Variants in PDHX observed in about 807,000 individuals in gnomAD.
PDHX encodes pyruvate dehydrogenase complex component X.
Under a neutral mutation model 55.3 loss-of-function variants are expected in PDHX, and 33 were observed. That is an observed-to-expected ratio of 0.60 (90% confidence interval 0.45 to 0.80). The LOEUF (loss-of-function observed/expected upper bound fraction) is 0.80. Ranked by LOEUF, PDHX falls within the 30% of genes least tolerant of loss-of-function variation. The pLI, the probability that PDHX is intolerant of heterozygous loss-of-function variation, is 0.00. For missense variants in PDHX, 622 were observed against 619.9 expected, an observed-to-expected ratio of 1.00 and a Z score of -0.04; for synonymous variants, 226 against 219.4, an observed-to-expected ratio of 1.03 and a Z score of -0.27.
intron 1 of PDHX, among the ~76,000 whole-genome samples, chr11:34,926,069 G>C (rs1312861206): frequency 2.0e-5 from 3 of 152,036 alleles, no homozygotes; most frequent in South Asian, 2.1e-4. Context: ...TTCATTTTCT[G>C]TTGTGGTCCA....
intron 7 of PDHX, among the ~76,000 whole-genome samples, chr11:34,974,478 G>A (rs1198330206): frequency 1.3e-5 from 2 of 152,160 alleles, no homozygotes. Context: ...GAACGTGGCT[G>A]TACAAATATC....
chr11:34,957,068 T>C (rs144591863), intron 3 of PDHX, among the ~76,000 whole-genome samples: 72 of 152,360 alleles, frequency 4.7e-4, no homozygotes, highest in African/African-American at 1.7e-3. Context: ...TGGATTTGTA[T>C]TGACATCAAA....
Position 34,957,462 on chromosome 11 carries a change from G to T in PDHX, c.421G>T (p.Val141Phe). 1 of 1,613,754 alleles carries T rather than the reference G, an allele frequency of 6.2e-7. No individual in the cohort carries two copies. The highest frequency in any genetic ancestry group is 8.5e-7 in the Non-Finnish European group (1 of 1,179,686). ...AGAAGAAGGAGAAGATTGGAAACAT[G>T]TTGAAATTCCCAAAGACGTAGGTCC... ...IVEEGEDWKH[V>F]EIPKDVGPPP... is the part of the protein sequence containing the mutation. The change falls in exon 4 of 11, where the codon GTT (valine) becomes TTT (phenylalanine). Residue 141 changes from valine to phenylalanine, a missense_variant. By Grantham distance (50) the Val-to-Phe change is conservative. Coordinates refer to ENST00000227868, the MANE Select transcript of PDHX (RefSeq NM_003477.3).
intron 6 of PDHX, among the ~76,000 whole-genome samples, chr11:34,968,322 G>T (rs1219739258): frequency 6.6e-6 from 1 of 151,510 alleles, no homozygotes; most frequent in Non-Finnish European, 1.5e-5. Context: ...AATTCTTATG[G>T]TATGTAGAGA....
chr11:34,994,615 A>G (rs147939682), intron 10 of PDHX, among the ~76,000 whole-genome samples: 80 of 152,352 alleles, frequency 5.3e-4, no homozygotes, highest in African/African-American at 1.8e-3. Flanking sequence ...CCACCGTTGT[A>G]TATGTGATCC....
chr11:34,957,548 C>T lies in PDHX; in HGVS notation c.507C>T (p.Ile169=), dbSNP rs79170416. The part of the protein sequence containing the change: ...PRPSPEPQIS[I]PVKKEHIPGT... ...CCTCACCAGAACCACAGATTTCCAT[C>T]CCTGTCAAGAAGGAACACATACCCG... Residue 169 remains isoleucine (I), a synonymous_variant, in exon 4 of 11, where the codon ATC becomes ATT. Coordinates refer to ENST00000227868, the MANE Select transcript of PDHX (RefSeq NM_003477.3). 49,854 of 1,613,826 alleles carry T rather than the reference C, an allele frequency of 0.031. 1,097 individuals are homozygous for T. The highest frequency in any genetic ancestry group is 0.084 in the South Asian group (7,653 of 91,058).
intron 3 of PDHX, among the ~76,000 whole-genome samples, chr11:34,950,828 G>C (rs1854744789): frequency 2.7e-5 from 4 of 150,882 alleles, no homozygotes; most frequent in African/African-American, 9.8e-5. Context: ...TAGTGCCGCA[G>C]TAAACATACA....
intron 9 of PDHX, among the ~76,000 whole-genome samples, chr11:34,991,508 G>T (rs940806790): frequency 6.6e-6 from 1 of 152,124 alleles, no homozygotes; most frequent in African/African-American, 2.4e-5. Flanking sequence ...ATTGTGTGGG[G>T]TTGAGATTGT....
intron 2 of PDHX, among the ~76,000 whole-genome samples, chr11:34,934,256 A>G (rs1854251159): frequency 6.6e-6 from 1 of 152,244 alleles, no homozygotes; most frequent in South Asian, 2.1e-4. Flanking sequence ...GTCTTGCCAG[A>G]AAATTGAACC....
intron 10 of PDHX, among the ~76,000 whole-genome samples, chr11:34,992,780 C>G (rs2134006489): frequency 6.6e-6 from 1 of 152,162 alleles, no homozygotes; most frequent in Middle Eastern, 3.4e-3. Context: ...ATTTGCGTTG[C>G]TTCCAGTTCG....
At chr11:34,977,121 G>A (rs1424281620) in intron 7 of PDHX, among the ~76,000 whole-genome samples, 1 of 152,082 alleles carries the variant, frequency 6.6e-6, no homozygotes, top group African/African-American at 2.4e-5. Flanking sequence ...CAGTATTTAG[G>A]TTTATGGTAA....
At chr11:34,916,402 G>C, upstream of PDHX, 2 of 1,520,048 alleles carry the variant, frequency 1.3e-6, no homozygotes, top group Non-Finnish European at 1.8e-6. Context: ...GGGCAGCCCG[G>C]GGGCGGGGCG....
chr11:34,940,734 C>T (rs1390329353), intron 2 of PDHX, among the ~76,000 whole-genome samples: 2 of 152,162 alleles, frequency 1.3e-5, no homozygotes, highest in Admixed American at 1.3e-4. Context: ...CATCTCTATC[C>T]CTAGACAATC....
chr11:34,987,625 G>A (rs1370380139), intron 9 of PDHX, among the ~76,000 whole-genome samples: 1 of 151,904 alleles, frequency 6.6e-6, no homozygotes, highest in Non-Finnish European at 1.5e-5. Context: ...TTAAACGGTG[G>A]CTTAAAAACT....
At chr11:34,936,806 C>G (rs2915196) in intron 2 of PDHX, among the ~76,000 whole-genome samples, 1 of 94,874 alleles carries the variant, frequency 1.1e-5, no homozygotes, top group African/African-American at 4.4e-5. Context: ...TTTTTTTTTT[C>G]TGAGACAGAG....
chr11:34,951,563 T>C (rs1458125021), intron 3 of PDHX, among the ~76,000 whole-genome samples: 1 of 152,152 alleles, frequency 6.6e-6, no homozygotes, highest in African/African-American at 2.4e-5. Flanking sequence ...TTCTTGTAAA[T>C]TTGTTTGAGT....
At chr11:34,981,199 G>A (rs1855504212) in intron 8 of PDHX, among the ~76,000 whole-genome samples, 1 of 151,806 alleles carries the variant, frequency 6.6e-6, no homozygotes, top group South Asian at 2.1e-4. Context: ...CTTTCCCTGT[G>A]TCCATGTGTT....
At chr11:34,969,391 T>C (rs1476332995) in intron 6 of PDHX, among the ~76,000 whole-genome samples, 1 of 151,636 alleles carries the variant, frequency 6.6e-6, no homozygotes, top group Non-Finnish European at 1.5e-5. Flanking sequence ...TCGCCCAGGC[T>C]GGAGTGCAGT....
intron 3 of PDHX, 32 bp downstream of exon 3, chr11:34,947,638 A>T: frequency 7.1e-7 from 1 of 1,401,784 alleles, no homozygotes; most frequent in Non-Finnish European, 1.0e-6. Context: ...CTTCAACAGG[A>T]TGAAGATTTC....
Sources: allele counts gnomAD v4.1 joint callset (sites outside exome capture counted in the v4.1 genomes callset), GRCh38; gene constraint gnomAD v4.1.1; transcripts MANE v1.5; gene names NCBI Gene and HGNC (gene_info 2026-07-23, HGNC 2026-07-21).